UBE2H: variants seen among roughly 807,000 people sequenced by gnomAD.
UBE2H encodes ubiquitin conjugating enzyme E2 H, also known as ubiquitin-conjugating enzyme E2 H.
In UBE2H, 3 loss-of-function variants were observed where a neutral mutation model predicts 29.0. The ratio of observed to expected loss-of-function variants is 0.10; its 90% CI spans 0.05 to 0.27. The LOEUF (loss-of-function observed/expected upper bound fraction) is 0.27. UBE2H is among the 10% of genes least tolerant of loss of function. The probability of loss-of-function intolerance (pLI) is 1.00; values close to 1 mark genes in which losing one functional copy is unlikely to be tolerated. For missense variants in UBE2H, 68 were observed against 228.2 expected, an observed-to-expected ratio of 0.30 and a Z score of 4.52; for synonymous variants, 69 against 82.9, an observed-to-expected ratio of 0.83 and a Z score of 0.91.
chr7:129,894,581 G>A (rs191355313), intron 1 of UBE2H, among the ~76,000 whole-genome samples: 89 of 149,908 alleles, frequency 5.9e-4, no homozygotes, highest in Admixed American at 1.0e-3. Flanking sequence ...TCCACCTCCC[G>A]GGTTCAAGTG....
intron 1 of UBE2H, among the ~76,000 whole-genome samples, chr7:129,923,014 G>A (rs1195737249): frequency 3.3e-5 from 5 of 151,926 alleles, no homozygotes; most frequent in African/African-American, 1.2e-4. Context: ...CTATTCTCCT[G>A]CCTCAGCCTC....
At chr7:129,936,184 T>C (rs965884763) in intron 1 of UBE2H, among the ~76,000 whole-genome samples, 1 of 152,160 alleles carries the variant, frequency 6.6e-6, no homozygotes, top group Non-Finnish European at 1.5e-5. Context: ...ATTTAAGAAA[T>C]AAAACTGCCA....
chr7:129,934,817 A>G (rs1807488349), intron 1 of UBE2H, among the ~76,000 whole-genome samples: 1 of 151,630 alleles, frequency 6.6e-6, no homozygotes, highest in Admixed American at 6.6e-5. Flanking sequence ...CTGTAATCCC[A>G]GCACTTTGGG....
At chr7:129,847,332 G>A (rs747449751) in intron 5 of UBE2H, among the ~76,000 whole-genome samples, 1 of 152,244 alleles carries the variant, frequency 6.6e-6, no homozygotes, top group East Asian at 1.9e-4. Flanking sequence ...GAGCCACCGC[G>A]CCTGGCCATC....
chr7:129,861,759 C>T (rs1448304239), intron 3 of UBE2H, among the ~76,000 whole-genome samples: 2 of 152,016 alleles, frequency 1.3e-5, no homozygotes, highest in African/African-American at 4.8e-5. Context: ...GGGCATGTGG[C>T]GCCCACCTGT....
chr7:129,914,315 G>T (rs368714994), intron 1 of UBE2H, among the ~76,000 whole-genome samples: 1 of 152,098 alleles, frequency 6.6e-6, no homozygotes, highest in Admixed American at 6.5e-5. Flanking sequence ...CTACAGGAGC[G>T]CCCCACCATG....
intron 1 of UBE2H, among the ~76,000 whole-genome samples, chr7:129,902,496 T>G (rs930288352): frequency 2.0e-5 from 3 of 152,224 alleles, no homozygotes; most frequent in African/African-American, 7.2e-5. Flanking sequence ...CGAGACTCCA[T>G]CTCAAACAAA....
intron 1 of UBE2H, among the ~76,000 whole-genome samples, chr7:129,948,646 C>T (rs1807811547): frequency 6.6e-6 from 1 of 151,994 alleles, no homozygotes; most frequent in Admixed American, 6.6e-5. Flanking sequence ...AGACCTCGGT[C>T]TCTACAAAAA....
At chr7:129,864,544 T>C (rs1805861566) in intron 3 of UBE2H, among the ~76,000 whole-genome samples, 1 of 80,320 alleles carries the variant, frequency 1.2e-5, no homozygotes, top group African/African-American at 3.8e-5. Context: ...GCATTTTCTT[T>C]TTCTTTTCTT....
At chr7:129,874,725 G>GA (rs1287853730) in intron 3 of UBE2H, among the ~76,000 whole-genome samples, 1 of 151,956 alleles carries the variant, frequency 6.6e-6, no homozygotes, top group Non-Finnish European at 1.5e-5. Context: ...CATATGAAGA[G>GA]AAAAATGCAA....
At chr7:129,945,151 G>C (rs1433365573) in intron 1 of UBE2H, among the ~76,000 whole-genome samples, 1 of 152,184 alleles carries the variant, frequency 6.6e-6, no homozygotes, top group Admixed American at 6.5e-5. Context: ...AAGAAACTTT[G>C]GGGGAAGATA....
chr7:129,870,288 A>G (rs1318244317), intron 3 of UBE2H, among the ~76,000 whole-genome samples: 2 of 152,136 alleles, frequency 1.3e-5, no homozygotes, highest in Admixed American at 1.3e-4. Context: ...CTCTACAATA[A>G]GCACTTTAAA....
At chr7:129,838,686 C>T (rs551006446) in intron 6 of UBE2H, among the ~76,000 whole-genome samples, 23 of 152,218 alleles carry the variant, frequency 1.5e-4, no homozygotes, top group Non-Finnish European at 3.1e-4. Flanking sequence ...GTCACCCAGG[C>T]TGGAGTACAA....
chr7:129,863,823 T>TTTTTTTTTTA (rs1805846300), intron 3 of UBE2H, among the ~76,000 whole-genome samples: 1 of 151,466 alleles, frequency 6.6e-6, no homozygotes, highest in African/African-American at 2.4e-5. Context: ...TTTTTTTTTT[T>TTTTTTTTTTA]GAGATAAGGT....
chr7:129,904,544 T>A (rs1394035426), intron 1 of UBE2H, among the ~76,000 whole-genome samples: 1 of 152,218 alleles, frequency 6.6e-6, no homozygotes, highest in African/African-American at 2.4e-5. Context: ...GGTTTTATCA[T>A]GAGTACTATT....
At position 129,835,005 on chromosome 7, in the gene UBE2H, C is replaced by T. The variant is rs1484890786; in HGVS notation, c.484G>A (p.Gly162Arg). 2.5e-6 allele frequency: 4 copies of T among 1,614,098 alleles called. No homozygotes were observed. The highest frequency in any genetic ancestry group is 1.7e-5 in the Admixed American group (1 of 60,024). ...ATAGAGCTCTCCGATGAGCTGTCCCCGGTACCCTCTTCCTGTTCTTTCAGC... is the reference window on the plus strand; with the variant it reads ...ATAGAGCTCTCCGATGAGCTGTCCCTGGTACCCTCTTCCTGTTCTTTCAGC... The part of the protein sequence containing the change: ...EALKEQEEGT[G>R]DSSSESSMSD... The change falls in exon 7 of 7, where the codon GGG becomes AGG. Residue 162 changes from glycine (G) to arginine (R), a missense_variant. Gly to Arg is a moderately radical substitution (Grantham distance 125, BLOSUM62 -2). Around this residue, in one of 3 missense-constraint regions of UBE2H, gnomAD observed 25 missense variants for 32.4 expected, o/e 0.77. Transcript: ENST00000355621.
chr7:129,890,307 G>C (rs764148043), intron 1 of UBE2H, among the ~76,000 whole-genome samples: 3 of 150,472 alleles, frequency 2.0e-5, no homozygotes, highest in Non-Finnish European at 4.4e-5. Context: ...GTATACATAC[G>C]TGTATATATG....
intron 1 of UBE2H, among the ~76,000 whole-genome samples, chr7:129,894,848 A>T (rs774618934): frequency 3.9e-5 from 6 of 152,048 alleles, no homozygotes; most frequent in Non-Finnish European, 5.9e-5. Flanking sequence ...CTTCTATGGA[A>T]AGATTGACAC....
rs921466383 is a variant in UBE2H at position 129,857,346 on chromosome 7, C to T, written c.298+165G>A. The T allele has an allele frequency of 7.6e-6, 5 of 656,258 alleles. No individual in the cohort carries two copies. In the South Asian group the frequency reaches 1.1e-4, roughly 14 times the overall value. The allele number at this position is 656,258 out of a possible 1,614,324, so 40.7% of individuals were successfully genotyped here. A position where few individuals can be genotyped will look rare whatever the true frequency, so the allele number is the denominator to read the frequency against. On this transcript the variant is annotated intron_variant, in intron 5 of 6. Coordinates refer to ENST00000355621, the MANE Select transcript of UBE2H (RefSeq NM_003344.4). Reference sequence around the variant, plus strand: ...CCACAGCTAAACTGATATATTTGTACTTAAGAGAAAACATTTTTTCCACTG... The same window carrying T: ...CCACAGCTAAACTGATATATTTGTATTTAAGAGAAAACATTTTTTCCACTG...
Sources: allele counts gnomAD v4.1 joint callset (sites outside exome capture counted in the v4.1 genomes callset), GRCh38; gene constraint gnomAD v4.1.1; regional missense constraint gnomAD v4.1.1; transcripts MANE v1.5; gene names NCBI Gene and HGNC (gene_info 2026-07-23, HGNC 2026-07-21).